The following DLG2 variants were observed in gnomAD, a reference collection of about 807,000 sequenced individuals.
The protein encoded by DLG2 is disks large homolog 2.
A neutral mutation model predicts 132.5 loss-of-function variants in DLG2; 45 were observed. The ratio of observed to expected loss-of-function variants is 0.34; its 90% CI spans 0.27 to 0.44. The LOEUF is 0.44. DLG2 is among the 20% of genes least tolerant of loss of function. DLG2 has a pLI of 1.00. For missense variants in DLG2, 1,045 were observed against 1,196.9 expected (o/e 0.87, Z 1.87); for synonymous variants, 424 against 419.6 (o/e 1.01, Z -0.13).
intron 18 of DLG2, among the ~76,000 whole-genome samples, chr11:83,783,772 G>A (rs1487160376): frequency 2.6e-5 from 4 of 152,012 alleles, no homozygotes; most frequent in African/African-American, 9.7e-5. Flanking sequence ...TTCAAGGTCT[G>A]GCTCCATTTC....
At chr11:84,219,903 G>A (rs1471153185) in intron 8 of DLG2, among the ~76,000 whole-genome samples, 1 of 152,034 alleles carries the variant, frequency 6.6e-6, no homozygotes, top group East Asian at 1.9e-4. Context: ...TCTTATTTTT[G>A]GCTGTTGATG....
At chr11:84,522,185 A>C (rs1024353493) in intron 7 of DLG2, among the ~76,000 whole-genome samples, 3 of 152,050 alleles carry the variant, frequency 2.0e-5, no homozygotes, top group Admixed American at 1.3e-4. Context: ...AACAAACAAA[A>C]AAAAAAAAAG....
intron 6 of DLG2, among the ~76,000 whole-genome samples, chr11:84,632,354 G>C (rs2099633569): frequency 6.6e-6 from 1 of 151,238 alleles, no homozygotes; most frequent in Admixed American, 6.6e-5. Context: ...AAAATCACAG[G>C]TTATTTTATC....
intron 6 of DLG2, among the ~76,000 whole-genome samples, chr11:84,819,745 A>G (rs2077474374): frequency 6.6e-6 from 1 of 151,910 alleles, no homozygotes; most frequent in African/African-American, 2.4e-5. Flanking sequence ...GCACATGCCC[A>G]GATTTAGCCA....
At chr11:84,877,133 A>T (rs1356412235) in intron 6 of DLG2, among the ~76,000 whole-genome samples, 1 of 152,070 alleles carries the variant, frequency 6.6e-6, no homozygotes, top group East Asian at 1.9e-4. Context: ...AATAAGCGTG[A>T]TGTGGTGCTG....
At chr11:85,282,285 G>T (rs2078280763) in intron 4 of DLG2, among the ~76,000 whole-genome samples, 1 of 151,832 alleles carries the variant, frequency 6.6e-6, no homozygotes, top group Admixed American at 6.6e-5. Flanking sequence ...CAGATCTAGT[G>T]CTCAGTAGCA....
intron 25 of DLG2, 74 bp downstream of exon 25, chr11:83,469,127 A>T: frequency 3.6e-6 from 1 of 275,728 alleles, no homozygotes; most frequent in Non-Finnish European, 5.1e-6. Flanking sequence ...AGTAATGACC[A>T]AAAAAAAAAA....
At chr11:83,584,869 T>C (rs1006014563) in intron 19 of DLG2, among the ~76,000 whole-genome samples, 2 of 152,226 alleles carry the variant, frequency 1.3e-5, no homozygotes, top group African/African-American at 2.4e-5. Flanking sequence ...CTCAGTCAAC[T>C]GTAGGTGCTG....
intron 7 of DLG2, among the ~76,000 whole-genome samples, chr11:84,458,008 G>A (rs186629137): frequency 9.3e-5 from 14 of 150,774 alleles, no homozygotes; most frequent in East Asian, 7.8e-4. Flanking sequence ...TGTTATCTAC[G>A]TAAATGATAG....
At chr11:84,122,834 C>T (rs1230533296) in intron 9 of DLG2, among the ~76,000 whole-genome samples, 1 of 152,000 alleles carries the variant, frequency 6.6e-6, no homozygotes, top group Non-Finnish European at 1.5e-5. Flanking sequence ...AACACACACA[C>T]ATAGACACAC....
intron 12 of DLG2, among the ~76,000 whole-genome samples, chr11:83,967,020 T>G (rs2090355637): frequency 6.6e-6 from 1 of 152,104 alleles, no homozygotes; most frequent in African/African-American, 2.4e-5. Flanking sequence ...TTACTTCATT[T>G]AGCATAATGC....
chr11:85,034,545 A>G (rs971832114), intron 6 of DLG2, among the ~76,000 whole-genome samples: 2 of 152,218 alleles, frequency 1.3e-5, no homozygotes, highest in African/African-American at 4.8e-5. Context: ...AAGTATGCCA[A>G]GGAGAAAGAA....
chr11:84,708,129 T>G (rs1222079580), intron 6 of DLG2, among the ~76,000 whole-genome samples: 2 of 151,808 alleles, frequency 1.3e-5, no homozygotes, highest in Admixed American at 1.3e-4. Context: ...TGAAAAATAT[T>G]ATGGAGAAAT....
chr11:85,463,485 C>CA (rs541962494), intron 3 of DLG2, among the ~76,000 whole-genome samples: 1 of 152,052 alleles, frequency 6.6e-6, no homozygotes, highest in African/African-American at 2.4e-5. Context: ...AATGAATTAC[C>CA]AAAAAAACTT....
At chr11:84,803,597 A>G (rs2075672330) in intron 6 of DLG2, among the ~76,000 whole-genome samples, 1 of 152,362 alleles carries the variant, frequency 6.6e-6, no homozygotes, top group African/African-American at 2.4e-5. Flanking sequence ...ACCCTATGAA[A>G]TATCTGAAAT....
At chr11:84,289,192 G>A (rs1253727505) in intron 7 of DLG2, among the ~76,000 whole-genome samples, 2 of 152,052 alleles carry the variant, frequency 1.3e-5, no homozygotes, top group African/African-American at 4.8e-5. Context: ...AGTTTTTCAT[G>A]TTTAAGTTCT....
intron 6 of DLG2, among the ~76,000 whole-genome samples, chr11:84,544,179 C>T (rs1354289031): frequency 1.3e-5 from 2 of 152,196 alleles, no homozygotes; most frequent in African/African-American, 2.4e-5. Flanking sequence ...GAGCTAGGCT[C>T]AGGATCTAGG....
At chr11:84,147,536 C>G (rs1481846306) in intron 9 of DLG2, among the ~76,000 whole-genome samples, 3 of 152,054 alleles carry the variant, frequency 2.0e-5, no homozygotes, top group Admixed American at 6.6e-5. Context: ...ACTGTAATTT[C>G]TTATCTAGCC....
At chr11:85,136,316 C>G (rs987362761) in intron 5 of DLG2, among the ~76,000 whole-genome samples, 1 of 152,138 alleles carries the variant, frequency 6.6e-6, no homozygotes, top group Non-Finnish European at 1.5e-5. Flanking sequence ...GATATAAGTA[C>G]ATAACATTTT....
Sources: allele counts gnomAD v4.1 joint callset (sites outside exome capture counted in the v4.1 genomes callset), GRCh38; gene constraint gnomAD v4.1.1; transcripts MANE v1.5; gene names NCBI Gene and HGNC (gene_info 2026-07-23, HGNC 2026-07-21).